The following WFDC11 variants were observed in gnomAD, a reference collection of about 807,000 sequenced individuals.
The protein encoded by WFDC11 is protein WFDC11.
In WFDC11, 9 loss-of-function variants were observed where a neutral mutation model predicts 9.9. The ratio of observed to expected loss-of-function variants is 0.91; its 90% CI spans 0.55 to 1.58. The LOEUF is 1.58. WFDC11 is among the 40% of genes most tolerant of loss of function. The pLI, the probability that WFDC11 is intolerant of heterozygous loss-of-function variation, is 0.00. For synonymous variants in WFDC11, 32 were observed against 33.3 expected, an observed-to-expected ratio of 0.96 and a Z score of 0.13; for missense variants, 106 against 101.7, an observed-to-expected ratio of 1.04 and a Z score of -0.18.
At position 45,648,715 on chromosome 20, in the gene WFDC11, G is replaced by A. The variant is rs115240284; in HGVS notation, c.*4C>T. 1.4e-3 allele frequency: 2,290 copies of A among 1,614,092 alleles called. 28 individuals carry two copies. The African/African-American group carries it at 0.025, about 17-fold the overall frequency. Reference sequence around the variant, plus strand: ...AGGTGGCAGCCTGGTGGGAAGCTACGGTTTTAGTAATCTCCACTGGTTTCC... The same window carrying A: ...AGGTGGCAGCCTGGTGGGAAGCTACAGTTTTAGTAATCTCCACTGGTTTCC... On this transcript the variant is annotated 3_prime_UTR_variant, in exon 5 of 5. Transcript: ENST00000324384.
At chr20:45,651,927 A>T (rs1367381701) in intron 2 of WFDC11, among the ~76,000 whole-genome samples, 1 of 152,238 alleles carries the variant, frequency 6.6e-6, no homozygotes, top group Non-Finnish European at 1.5e-5. Context: ...GTAGGTAAAC[A>T]AAGCAGCCAG....
intron 2 of WFDC11, among the ~76,000 whole-genome samples, chr20:45,661,078 A>G (rs372646437): frequency 1.4e-4 from 21 of 151,992 alleles, no homozygotes; most frequent in East Asian, 3.9e-4. Flanking sequence ...TCCAGCACCT[A>G]TTGTTTCCTG....
rs556362365 is a variant in WFDC11, at chr20:45,650,240, A to G, written c.100+261T>C. On this transcript the variant is annotated intron_variant, in intron 3 of 4. Transcript: ENST00000324384. ...CACACACACACACACATGTGTTTGT[A>G]TATATATAGAGAGAGAGAGAGAGAG... Among the ~76,000 whole-genome samples, 1,019 of 151,716 alleles carry G rather than the reference A, an allele frequency of 6.7e-3. 12 individuals are homozygous for G. The highest frequency in any genetic ancestry group is 0.024 in the African/African-American group (974 of 41,180).
intron 1 of WFDC11, among the ~76,000 whole-genome samples, chr20:45,669,327 A>C (rs1321991774): frequency 6.6e-6 from 1 of 152,236 alleles, no homozygotes; most frequent in Non-Finnish European, 1.5e-5. Context: ...TACCTCATAG[A>C]TATTACAGAT....
In WFDC11 at chr20:45,650,590, A is replaced by G. The variant is rs750231548; in HGVS notation, c.11T>C (p.Leu4Pro). 8 of 1,613,928 alleles carry G rather than the reference A, an allele frequency of 5.0e-6. No homozygotes were observed. Among genetic ancestry groups the G allele is most frequent in the Non-Finnish European group, 6.8e-6 (8 of 1,179,908 alleles). Residue 4 changes from leucine (L) to proline (P), a missense_variant, in exon 3 of 5, where the codon CTC becomes CCC. Leu to Pro is a moderately conservative substitution (Grantham distance 98). Coordinates refer to ENST00000324384, the MANE Select transcript of WFDC11 (RefSeq NM_147197.2). MVS[L>P]MKLWIPMLMT... ...GAGCATGGGTATCCAGAGCTTCATGAGGCTGACCATATGTGTCTGAATATG... is the reference window on the plus strand; with the variant it reads ...GAGCATGGGTATCCAGAGCTTCATGGGGCTGACCATATGTGTCTGAATATG...
At chr20:45,662,667 A>G (rs1457384000) in intron 2 of WFDC11, among the ~76,000 whole-genome samples, 1 of 152,186 alleles carries the variant, frequency 6.6e-6, no homozygotes, top group Admixed American at 6.5e-5. Context: ...TTCTGCATCT[A>G]TTGAGATAAT....
At chr20:45,663,285 T>C (rs1473238810) in intron 2 of WFDC11, among the ~76,000 whole-genome samples, 1 of 152,236 alleles carries the variant, frequency 6.6e-6, no homozygotes, top group Admixed American at 6.5e-5. Context: ...TTATCATTTT[T>C]TATTGCATCT....
chr20:45,653,329 A>G (rs1320494672), intron 2 of WFDC11, among the ~76,000 whole-genome samples: 1 of 152,220 alleles, frequency 6.6e-6, no homozygotes, highest in Non-Finnish European at 1.5e-5. Context: ...AGCCAAACTA[A>G]GCTTCATAAG....
At chr20:45,649,051 A>C (rs1401498208) in intron 4 of WFDC11, among the ~76,000 whole-genome samples, 1 of 152,252 alleles carries the variant, frequency 6.6e-6, no homozygotes, top group East Asian at 1.9e-4. Flanking sequence ...GGTATTGATT[A>C]TATAATGAAA....
intron 2 of WFDC11, among the ~76,000 whole-genome samples, chr20:45,659,397 T>C (rs1193612487): frequency 2.0e-5 from 3 of 152,142 alleles, no homozygotes; most frequent in South Asian, 2.1e-4. Flanking sequence ...TTTTAATGAT[T>C]GCCATTCTAA....
In WFDC11 at chr20:45,650,542, A is replaced by G. The variant is rs1032250248; in HGVS notation, c.59T>C (p.Leu20Pro). The G allele has an allele frequency of 2.5e-6, 4 of 1,613,998 alleles. No homozygotes were observed. In the African/African-American group the frequency reaches 4.0e-5, roughly 16 times the overall value. The change falls in exon 3 of 5, where the codon CTA becomes CCA. Residue 20 changes from leucine (L) to proline (P), a missense_variant. By Grantham distance (98) the Leu-to-Pro change is moderately conservative (BLOSUM62 -3). Coordinates refer to ENST00000324384, the MANE Select transcript of WFDC11 (RefSeq NM_147197.2). ...CCTCATTTCTCCCAGCACAGACAGT[A>G]GCACCGTACAGAAGAATGTCATGAG... ...PMLMTFFCTV[L>P]LSVLGEMRKK... is the part of the protein sequence containing the mutation.
chr20:45,659,504 C>T lies in WFDC11; in HGVS notation c.-52+7584G>A, dbSNP rs138471518. 4.6e-4 allele frequency among the ~76,000 whole-genome samples: 70 copies of T among 152,266 alleles called. 1 individual carries two copies. The East Asian group carries it at 0.011, about 23-fold the overall frequency. On this transcript the variant is annotated intron_variant, in intron 2 of 4. Coordinates refer to ENST00000324384, the MANE Select transcript of WFDC11 (RefSeq NM_147197.2). ...TTCATATGTTTGTTGGCTGCATAAA[C>T]GTCTTCTTCTGAGAAGTGTCTGTTC...
At chr20:45,664,774 G>A (rs1983152383) in intron 2 of WFDC11, among the ~76,000 whole-genome samples, 1 of 152,162 alleles carries the variant, frequency 6.6e-6, no homozygotes, top group African/African-American at 2.4e-5. Context: ...CAGGGTTTCT[G>A]CCTAGAGATC....
chr20:45,649,469 A>G lies in WFDC11; in HGVS notation c.101-70T>C, dbSNP rs1277354027. The stretch of plus-strand genomic sequence containing the variant: ...CCAAGAGCGGAAAGAAAGGCCTTTC[A>G]TACGTTTAACAGTTCCTCCTGGAAT... On this transcript the variant is annotated intron_variant, in intron 3 of 4. Transcript: ENST00000324384. 7 of 1,569,992 alleles carry G rather than the reference A, an allele frequency of 4.5e-6. No homozygotes were observed. The South Asian group carries it at 4.6e-5, about 10-fold the overall frequency.
At chr20:45,661,008 G>T (rs1477396682) in intron 2 of WFDC11, among the ~76,000 whole-genome samples, 1 of 152,100 alleles carries the variant, frequency 6.6e-6, no homozygotes, top group Non-Finnish European at 1.5e-5. Flanking sequence ...TTCCACAATG[G>T]TTGAACTAGT....
At chr20:45,662,600 G>A (rs886731085) in intron 2 of WFDC11, among the ~76,000 whole-genome samples, 7 of 152,078 alleles carry the variant, frequency 4.6e-5, no homozygotes, top group Non-Finnish European at 7.4e-5. Context: ...CCCATCAATA[G>A]CAAATTTATT....
intron 2 of WFDC11, among the ~76,000 whole-genome samples, chr20:45,665,088 G>T (rs188992841): frequency 6.6e-6 from 1 of 151,974 alleles, no homozygotes; most frequent in African/African-American, 2.4e-5. Context: ...ACATAGTCCC[G>T]TATTTCTTGG....
In WFDC11 at chr20:45,650,613, A is replaced by G; in HGVS notation, c.-13T>C. The G allele has an allele frequency of 6.2e-7, 1 of 1,607,206 alleles. No homozygotes were observed. The highest frequency in any genetic ancestry group is 8.5e-7 in the Non-Finnish European group (1 of 1,173,800). On this transcript the variant is annotated 5_prime_UTR_variant, in exon 3 of 5. Coordinates refer to ENST00000324384, the MANE Select transcript of WFDC11 (RefSeq NM_147197.2). The stretch of plus-strand genomic sequence containing the variant: ...TGAGGCTGACCATATGTGTCTGAAT[A>G]TGTGTTGTCAGAAGGATTATTTTTC...
At chr20:45,653,814 A>G (rs997906913) in intron 2 of WFDC11, among the ~76,000 whole-genome samples, 2 of 152,200 alleles carry the variant, frequency 1.3e-5, no homozygotes, top group Non-Finnish European at 2.9e-5. Context: ...TAAACCAACA[A>G]AGATCAAAAG....
Sources: gnomAD v4.1 joint callset for allele counts (sites outside exome capture counted in the v4.1 genomes callset) on GRCh38, gnomAD v4.1.1 for gene constraint, MANE v1.5 for transcripts, NCBI Gene and HGNC (gene_info 2026-07-23, HGNC 2026-07-21) for gene names.